PDZD2: variants seen among roughly 807,000 people sequenced by gnomAD.
The protein encoded by PDZD2 is PDZ domain containing 2.
Under a neutral mutation model 220.7 loss-of-function variants are expected in PDZD2, and 90 were observed. The ratio of observed to expected loss-of-function variants is 0.41; its 90% CI spans 0.34 to 0.49. The LOEUF (loss-of-function observed/expected upper bound fraction) is 0.49. PDZD2 is among the 20% of genes least tolerant of loss of function. PDZD2 has a pLI of 0.28. For synonymous variants in PDZD2, 1,375 were observed against 1,450.5 expected (o/e 0.95, Z 1.18); for missense variants, 3,174 against 3,608.5 (o/e 0.88, Z 3.08).
chr5:31,857,798 T>C (rs1347179473), intron 2 of PDZD2, among the ~76,000 whole-genome samples: 14 of 151,916 alleles, frequency 9.2e-5, no homozygotes, highest in Admixed American at 9.2e-4. Flanking sequence ...TTTGCTAGAG[T>C]TTTGTTGGTT....
intron 3 of PDZD2, among the ~76,000 whole-genome samples, chr5:31,990,138 G>A (rs984428058): frequency 1.6e-4 from 24 of 152,192 alleles, no homozygotes; most frequent in African/African-American, 5.1e-4. Context: ...GAGTATTTAC[G>A]GCAGCAAGAT....
chr5:31,835,326 T>C (rs1286247322), intron 2 of PDZD2, among the ~76,000 whole-genome samples: 1 of 152,128 alleles, frequency 6.6e-6, no homozygotes, highest in Non-Finnish European at 1.5e-5. Flanking sequence ...TTTTCAAAAG[T>C]GTTTCTTTTA....
chr5:31,767,411 C>T (rs149628994), intron 1 of PDZD2, among the ~76,000 whole-genome samples: 51 of 152,328 alleles, frequency 3.3e-4, no homozygotes, highest in African/African-American at 9.9e-4. Context: ...ATGTGGTAGA[C>T]GGCAGTTCTC....
intron 1 of PDZD2, among the ~76,000 whole-genome samples, chr5:31,789,654 C>T (rs943876196): frequency 1.3e-5 from 2 of 152,174 alleles, no homozygotes; most frequent in Non-Finnish European, 2.9e-5. Flanking sequence ...CCGGGCTGGG[C>T]GTGGTGGCTC....
Position 32,088,668 on chromosome 5 carries a change from T to C in PDZD2, c.5220T>C (p.Asp1740=). The change falls in exon 20 of 25, where the codon GAT becomes GAC. Residue 1740 remains aspartate, a synonymous_variant. Transcript: ENST00000438447. The surrounding 1 kb of genome is among the most constrained non-coding windows in gnomAD (Gnocchi z 4.6). ...MVNGLEHDLL[D]DETLNQYETS... The stretch of plus-strand genomic sequence containing the variant: ...ATGGCTTGGAACATGACCTGCTAGA[T>C]GACGAAACCCTGAATCAATACGAAA... The C allele has an allele frequency of 6.2e-7, 1 of 1,614,064 alleles. No homozygotes were observed.
intron 2 of PDZD2, among the ~76,000 whole-genome samples, chr5:31,935,614 G>T (rs1041141253): frequency 2.6e-5 from 4 of 151,956 alleles, no homozygotes; most frequent in African/African-American, 9.7e-5. Context: ...TTAACCCCTT[G>T]ATTTTTGTTT....
intron 2 of PDZD2, among the ~76,000 whole-genome samples, chr5:31,821,829 A>G (rs1294816774): frequency 7.6e-6 from 1 of 131,476 alleles, no homozygotes; most frequent in Non-Finnish European, 1.6e-5. Context: ...TATTTGTCCT[A>G]TGCTCTCCCT....
At position 32,110,367 on chromosome 5, in the gene PDZD2, T is replaced by G. The variant is rs561183799; in HGVS notation, c.*2232T>G. Reference sequence around the variant, plus strand: ...ACTGCTACTACATCTTGCCAGAAGGTTTCCCTCGCCAACAAACAGTTGAAA... The same window carrying G: ...ACTGCTACTACATCTTGCCAGAAGGGTTCCCTCGCCAACAAACAGTTGAAA... On this transcript the variant is annotated 3_prime_UTR_variant, in exon 25 of 25. Coordinates refer to ENST00000438447, the MANE Select transcript of PDZD2 (RefSeq NM_178140.4). 1 of 152,600 alleles carries G rather than the reference T, an allele frequency of 6.6e-6. No homozygotes were observed. The highest frequency in any genetic ancestry group is 1.5e-5 in the Non-Finnish European group (1 of 68,022). The allele number at this position is 152,600 out of a possible 1,614,324, so 9.5% of individuals were successfully genotyped here.
At position 31,988,453 on chromosome 5, in the gene PDZD2, A is replaced by ATCACCCTCCTGGCATGTGGATGTAT. The variant is rs1333186832; in HGVS notation, c.978+4828_978+4852dup. 3.5e-3 allele frequency among the ~76,000 whole-genome samples: 525 copies of ATCACCCTCCTGGCATGTGGATGTAT among 149,360 alleles called. 2 individuals carry two copies. Among genetic ancestry groups the ATCACCCTCCTGGCATGTGGATGTAT allele is most frequent in the African/African-American group, 6.8e-3 (274 of 40,364 alleles). ...GTGGAGATGGGGGTGGGGGGGGTGC[A>ATCACCCTCCTGGCATGTGGATGTAT]TCACCCTCCTGGCATGTGGATGTAT... On this transcript the variant is annotated intron_variant, in intron 3 of 24. Transcript: ENST00000438447.
intron 7 of PDZD2, among the ~76,000 whole-genome samples, chr5:32,042,417 A>C (rs1007207704): frequency 1.3e-5 from 2 of 151,360 alleles, no homozygotes; most frequent in African/African-American, 4.9e-5. Flanking sequence ...CAAAAAAAAA[A>C]AAAAAATTAG....
chr5:31,933,642 T>C (rs961019763), intron 2 of PDZD2, among the ~76,000 whole-genome samples: 1 of 152,162 alleles, frequency 6.6e-6, no homozygotes, highest in Non-Finnish European at 1.5e-5. Flanking sequence ...TGGCACCATC[T>C]TAGAGTTTGA....
intron 2 of PDZD2, among the ~76,000 whole-genome samples, chr5:31,856,082 T>C (rs1435482160): frequency 2.6e-5 from 4 of 152,240 alleles, no homozygotes; most frequent in Non-Finnish European, 5.9e-5. Flanking sequence ...TAGACATATC[T>C]TTAAATACAT....
At chr5:31,988,017 A>G (rs1750848782) in intron 3 of PDZD2, among the ~76,000 whole-genome samples, 1 of 152,006 alleles carries the variant, frequency 6.6e-6, no homozygotes. Flanking sequence ...GGCTGCTTTC[A>G]TTTTGCCCCC....
intron 1 of PDZD2, among the ~76,000 whole-genome samples, chr5:31,761,500 G>A (rs892007081): frequency 2.6e-5 from 4 of 151,832 alleles, no homozygotes; most frequent in Non-Finnish European, 5.9e-5. Flanking sequence ...GAAAAAAAAT[G>A]AGACTGTATT....
In PDZD2 at chr5:32,090,068, CGGG is replaced by C; in HGVS notation, c.6623_6625del (p.Gly2208del). The C allele has an allele frequency of 1.9e-6, 3 of 1,613,532 alleles. No homozygotes were observed. Among genetic ancestry groups the C allele is most frequent in the Non-Finnish European group, 2.5e-6 (3 of 1,179,888 alleles). On this transcript the variant is annotated inframe_deletion, in exon 20 of 25. Transcript: ENST00000438447. The surrounding 1 kb of genome is among the most constrained non-coding windows in gnomAD (Gnocchi z 4.3). The stretch of plus-strand genomic sequence containing the variant: ...AGAAACAGCATTCCAGGGGGCCCCT[CGGG>C]GGAGGACCATCTCTACTTCACCCCA...
chr5:31,767,483 T>A (rs1752096253), intron 1 of PDZD2, among the ~76,000 whole-genome samples: 1 of 152,242 alleles, frequency 6.6e-6, no homozygotes, highest in South Asian at 2.1e-4. Context: ...TTTTTCAGTA[T>A]CACATGTTTT....
At position 32,087,803 on chromosome 5, in the gene PDZD2, A is replaced by G; in HGVS notation, c.4355A>G (p.Gln1452Arg). ...TCCCAGACGGGGGACAGTGGCTCTC[A>G]GGAGGGCAGTGCTCAGGGCCACCCA... Reference protein sequence around the residue: ...PSSQTGDSGSQEGSAQGHPPA... With the variant: ...PSSQTGDSGSREGSAQGHPPA... Residue 1452 changes from glutamine to arginine, a missense_variant, in exon 20 of 25, where the codon CAG becomes CGG. Coordinates refer to ENST00000438447, the MANE Select transcript of PDZD2 (RefSeq NM_178140.4). The surrounding 1 kb of genome is among the most constrained non-coding windows in gnomAD (Gnocchi z 4.0). 1 of 1,613,342 alleles carries G rather than the reference A, an allele frequency of 6.2e-7. No homozygotes were observed. The highest frequency in any genetic ancestry group is 1.1e-5 in the South Asian group (1 of 91,022).
intron 14 of PDZD2, among the ~76,000 whole-genome samples, chr5:32,067,193 C>T (rs997040290): frequency 1.1e-4 from 16 of 152,174 alleles, no homozygotes; most frequent in Admixed American, 1.3e-4. Context: ...ATGTCTGGAG[C>T]GGTTGCTGCC....
intron 21 of PDZD2, among the ~76,000 whole-genome samples, chr5:32,094,727 A>G (rs993738635): frequency 6.6e-6 from 1 of 151,994 alleles, no homozygotes; most frequent in Non-Finnish European, 1.5e-5. Context: ...TAAATTTAAA[A>G]AATTAGCCAG....
Sources: gnomAD v4.1 joint callset for allele counts (sites outside exome capture counted in the v4.1 genomes callset) on GRCh38, gnomAD v4.1.1 for gene constraint, Gnocchi (gnomAD v3.1) non-coding constraint, MANE v1.5 for transcripts, NCBI Gene and HGNC (gene_info 2026-07-23, HGNC 2026-07-21) for gene names.